DIP2A: variants seen among roughly 807,000 people sequenced by gnomAD.
DIP2A encodes the protein disco-interacting protein 2 homolog A.
Under a neutral mutation model 177.4 loss-of-function variants are expected in DIP2A, and 85 were observed. The observed-to-expected ratio is 0.48, with a 90% confidence interval of 0.40 to 0.57. The LOEUF (loss-of-function observed/expected upper bound fraction) is 0.57, where lower values mean the gene tolerates loss of function less well. Ranked by LOEUF, DIP2A falls within the 20% of genes least tolerant of loss-of-function variation. DIP2A has a pLI of 0.00. For missense variants in DIP2A, 1,791 were observed against 2,100.2 expected (o/e 0.85, Z 2.88); for synonymous variants, 886 against 881.8 (o/e 1.00, Z -0.08).
In DIP2A at chr21:46,560,802, C is replaced by T; in HGVS notation, c.4031+19C>T. Reference sequence around the variant, plus strand: ...ATGACAGGTAATGCTCCCAGCCTGCCTGGGCCCCATGGATACCCAGTGGCA... The same window carrying T: ...ATGACAGGTAATGCTCCCAGCCTGCTTGGGCCCCATGGATACCCAGTGGCA... On this transcript the variant is annotated intron_variant, in intron 33 of 37. Coordinates refer to ENST00000417564, the MANE Select transcript of DIP2A (RefSeq NM_015151.4). The T allele has an allele frequency of 1.3e-6, 2 of 1,596,476 alleles. No homozygotes were observed. The highest frequency in any genetic ancestry group is 1.7e-6 in the Non-Finnish European group (2 of 1,171,852).
intron 23 of DIP2A, among the ~76,000 whole-genome samples, 174 bp downstream of exon 23, chr21:46,550,918 G>A (rs2060249299): frequency 6.6e-6 from 1 of 152,196 alleles, no homozygotes; most frequent in Non-Finnish European, 1.5e-5. Flanking sequence ...CCGCCTTCCT[G>A]GAACCAGCCA....
intron 8 of DIP2A, among the ~76,000 whole-genome samples, chr21:46,514,631 TTTTTTTTTTGG>T (rs2058477902): frequency 7.1e-6 from 1 of 140,480 alleles, no homozygotes; most frequent in Non-Finnish European, 1.5e-5. Flanking sequence ...TTTTTTTTTT[TTTTTTTTTTGG>T]TTTTTTTTTT....
chr21:46,548,629 C>T (rs1330561982), intron 21 of DIP2A, among the ~76,000 whole-genome samples: 2 of 152,138 alleles, frequency 1.3e-5, no homozygotes. Flanking sequence ...GGTGGAAAGT[C>T]AGATTAGGGA....
At chr21:46,540,930 G>A (rs2059789561) in intron 17 of DIP2A, among the ~76,000 whole-genome samples, 1 of 150,624 alleles carries the variant, frequency 6.6e-6, no homozygotes, top group African/African-American at 2.4e-5. Context: ...CAGGCGAATC[G>A]CTTGAACCCA....
chr21:46,575,273 A>G, the DIP2A span, among the ~76,000 whole-genome samples: 1 of 152,144 alleles, frequency 6.6e-6, no homozygotes, highest in Admixed American at 6.5e-5. Flanking sequence ...AAAGGAAACT[A>G]CTTCAACATA....
chr21:46,565,339 G>A (rs898905233), intron 35 of DIP2A, among the ~76,000 whole-genome samples: 1 of 152,320 alleles, frequency 6.6e-6, no homozygotes, highest in African/African-American at 2.4e-5. Context: ...TCTCCACTCT[G>A]TAAGAACCCT....
intron 1 of DIP2A, among the ~76,000 whole-genome samples, chr21:46,479,460 A>G (rs1207492303): frequency 6.6e-6 from 1 of 152,240 alleles, no homozygotes; most frequent in Non-Finnish European, 1.5e-5. Context: ...TTAATTACAA[A>G]TGAATGAGAC....
intron 8 of DIP2A, among the ~76,000 whole-genome samples, chr21:46,516,911 C>G (rs1262267670): frequency 6.6e-6 from 1 of 152,080 alleles, no homozygotes; most frequent in South Asian, 2.1e-4. Flanking sequence ...GGAAAAATTT[C>G]TCATTATTCC....
chr21:46,476,007 G>A (rs189981446), intron 1 of DIP2A, among the ~76,000 whole-genome samples: 4 of 152,032 alleles, frequency 2.6e-5, no homozygotes, highest in East Asian at 1.9e-4. Flanking sequence ...AGGCCAAGGC[G>A]GGTGGATCAC....
intron 3 of DIP2A, among the ~76,000 whole-genome samples, chr21:46,494,984 G>A (rs1968655953): frequency 6.6e-6 from 1 of 152,138 alleles, no homozygotes; most frequent in Non-Finnish European, 1.5e-5. Context: ...GCACTAGGAT[G>A]CTGATTGCTA....
rs747699168 is a variant in DIP2A, at chr21:46,554,566, T to C, written c.3155-9T>C. 8 of 1,611,224 alleles carry C rather than the reference T, an allele frequency of 5.0e-6. No homozygotes were observed. The highest frequency in any genetic ancestry group is 2.7e-5 in the African/African-American group (2 of 74,992). On this transcript the variant is annotated splice_polypyrimidine_tract_variant and intron_variant, in intron 26 of 37. Coordinates refer to ENST00000417564, the MANE Select transcript of DIP2A (RefSeq NM_015151.4). ...CCGGCCTCCTCACAGCCAGTCCTTG[T>C]CTCCACAGGGGTGGACCTCATTGCC...
chr21:46,554,444 C>T lies in DIP2A; in HGVS notation c.3155-131C>T, dbSNP rs911098006. ...TGTCTGCCTCCTCAGCTCAGCTACC[C>T]CTGTGGAAACCCAGGAGTCACCCAT... On this transcript the variant is annotated intron_variant, in intron 26 of 37. Transcript: ENST00000417564. 8 of 1,539,416 alleles carry T rather than the reference C, an allele frequency of 5.2e-6. No individual in the cohort carries two copies. The African/African-American group carries it at 1.1e-4, about 21-fold the overall frequency.
In DIP2A at chr21:46,550,626, G is replaced by T. The variant is rs1184510648; in HGVS notation, c.2721G>T (p.Gly907=). 1.2e-6 allele frequency: 2 copies of T among 1,613,802 alleles called. No homozygotes were observed. Among genetic ancestry groups the T allele is most frequent in the Non-Finnish European group, 8.5e-7 (1 of 1,179,872 alleles). The change falls in exon 23 of 38, where the codon GGG becomes GGT. Residue 907 remains glycine (G), a synonymous_variant. Transcript: ENST00000417564. ...ANTLPKAPLG[G]IHISETKQRF... is the part of the protein sequence containing the mutation. ...CCTTGCCCAAGGCTCCTCTCGGAGG[G>T]ATTCACATTTCTGAAACCAAACAGC...
At chr21:46,495,766 C>T (rs1158090193) in intron 3 of DIP2A, among the ~76,000 whole-genome samples, 2 of 152,058 alleles carry the variant, frequency 1.3e-5, no homozygotes, top group Non-Finnish European at 1.5e-5. Flanking sequence ...TGCCACTGCA[C>T]CTGCCTAATT....
intron 6 of DIP2A, among the ~76,000 whole-genome samples, chr21:46,504,807 C>A (rs1381495630): frequency 6.6e-6 from 1 of 152,192 alleles, no homozygotes. Flanking sequence ...TGGGAAGTTT[C>A]TTTATTTAGA....
At position 46,554,644 on chromosome 21, in the gene DIP2A, C is replaced by T. The variant is rs1397837360; in HGVS notation, c.3224C>T (p.Pro1075Leu). 2.5e-6 allele frequency: 4 copies of T among 1,595,820 alleles called. No individual in the cohort carries two copies. Among genetic ancestry groups the T allele is most frequent in the Admixed American group, 1.7e-5 (1 of 57,198 alleles). The change falls in exon 27 of 38, where the codon CCG becomes CTG. Residue 1075 changes from proline (P) to leucine (L), a missense_variant. Transcript: ENST00000417564. ...CGCVPVTVRP[P>L]HPQNLGTTLP... ...TGCGTGCCTGTCACCGTGCGGCCCC[C>T]GCACCCTCAGAACCTCGGCACCACA...
chr21:46,526,017 T>C (rs2059068751), intron 8 of DIP2A, among the ~76,000 whole-genome samples: 1 of 151,832 alleles, frequency 6.6e-6, no homozygotes, highest in Non-Finnish European at 1.5e-5. Flanking sequence ...CAAGTGATTC[T>C]TCTGCCTCAG....
rs2057476459 is a variant in DIP2A at position 46,498,494 on chromosome 21, G to A, written c.404-88G>A. 4 of 1,493,700 alleles carry A rather than the reference G, an allele frequency of 2.7e-6. No individual in the cohort carries two copies. Among genetic ancestry groups the A allele is most frequent in the Middle Eastern group, 1.8e-4 (1 of 5,674 alleles). The allele number at this position is 1,493,700 out of a possible 1,614,324, so 92.5% of individuals were successfully genotyped here. A position where few individuals can be genotyped will look rare whatever the true frequency, so the allele number is the denominator to read the frequency against. ...GGTGTACAGAAGCATGCTGCACACA[G>A]GTCTGGGAGGCTCCAGTGTGAGTGG... is the stretch of plus-strand genomic sequence containing the variant. On this transcript the variant is annotated intron_variant, in intron 4 of 37. Coordinates refer to ENST00000417564, the MANE Select transcript of DIP2A (RefSeq NM_015151.4). This position sits in a 1 kb window ranked among gnomAD's most constrained non-coding sequence, Gnocchi z 4.3.
At position 46,566,699 on chromosome 21, in the gene DIP2A, GA is replaced by G. The variant is rs750126817; in HGVS notation, c.4463+17del. ...TCGCTGAGTGGTAAGAGCCCAGGTG[GA>G]GGGCGGCTTCACGTGGTCCCTCCAG... On this transcript the variant is annotated intron_variant, in intron 37 of 37. Transcript: ENST00000417564. 1 of 1,613,986 alleles carries G rather than the reference GA, an allele frequency of 6.2e-7. No homozygotes were observed. Among genetic ancestry groups the G allele is most frequent in the Non-Finnish European group, 8.5e-7 (1 of 1,179,888 alleles).
Sources: allele counts gnomAD v4.1 joint callset (sites outside exome capture counted in the v4.1 genomes callset), GRCh38; gene constraint gnomAD v4.1.1; non-coding constraint Gnocchi (gnomAD v3.1); transcripts MANE v1.5; gene names NCBI Gene and HGNC (gene_info 2026-07-23, HGNC 2026-07-21).